TCF12: variants seen among roughly 807,000 people sequenced by gnomAD.
TCF12 encodes DNA-binding protein HTF4.
TCF12 carries 45 observed loss-of-function variants against 86.0 expected under a neutral mutation model. That is an observed-to-expected ratio of 0.52 (90% CI 0.41 to 0.67). The LOEUF is 0.67. TCF12 is among the 30% of genes least tolerant of loss of function. TCF12 has a pLI of 0.00. For missense variants in TCF12, 881 were observed against 859.9 expected (o/e 1.02, Z -0.31); for synonymous variants, 330 against 299.6 (o/e 1.10, Z -1.05).
intron 13 of TCF12, chr15:57,247,779 C>T: frequency 1.3e-6 from 1 of 746,546 alleles, no homozygotes; most frequent in Admixed American, 1.7e-5. Context: ...CACCTTGCTG[C>T]CTCCACCTCT....
intron 3 of TCF12, among the ~76,000 whole-genome samples, chr15:56,957,697 C>T (rs1022072642): frequency 2.0e-5 from 3 of 152,238 alleles, no homozygotes. Flanking sequence ...TTTTGTCCCT[C>T]TATATGGTTT....
At chr15:57,002,626 G>A (rs377151234) in intron 3 of TCF12, among the ~76,000 whole-genome samples, 1 of 152,256 alleles carries the variant, frequency 6.6e-6, no homozygotes, top group South Asian at 2.1e-4. Context: ...TTCCCACATA[G>A]ATATATCCCA....
intron 3 of TCF12, among the ~76,000 whole-genome samples, chr15:57,059,363 C>G (rs533875397): frequency 6.6e-6 from 1 of 152,286 alleles, no homozygotes; most frequent in South Asian, 2.1e-4. Flanking sequence ...AATTGCTTTT[C>G]TTACTGCTTT....
intron 3 of TCF12, among the ~76,000 whole-genome samples, chr15:57,061,900 A>ATTCTC (rs1471064913): frequency 6.6e-6 from 1 of 152,174 alleles, no homozygotes; most frequent in Non-Finnish European, 1.5e-5. Flanking sequence ...GTTGCAGAGA[A>ATTCTC]AATGCTTGGA....
chr15:56,965,436 T>C (rs573891458), intron 3 of TCF12, among the ~76,000 whole-genome samples: 37 of 152,296 alleles, frequency 2.4e-4, no homozygotes, highest in Non-Finnish European at 4.1e-4. Flanking sequence ...TTGGGAAGTT[T>C]TTGGTACTAC....
chr15:56,920,282 C>T (rs1199667514), intron 2 of TCF12, among the ~76,000 whole-genome samples: 1 of 152,000 alleles, frequency 6.6e-6, no homozygotes, highest in Non-Finnish European at 1.5e-5. Flanking sequence ...TTGGTTGAGT[C>T]ACCCTCCCAC....
At position 57,253,335 on chromosome 15, in the gene TCF12, C is replaced by T; in HGVS notation, c.1334C>T (p.Pro445Leu). ...GTGCTGCGGAACCATGCTGTGGGAC[C>T]TTCCACCAGTTTGCCTGCTGGTCAC... ...IHVLRNHAVG[P>L]STSLPAGHSD... Residue 445 changes from proline to leucine, a missense_variant, in exon 16 of 21, where the codon CCT becomes CTT. Pro to Leu is a moderately conservative substitution (Grantham distance 98). Coordinates refer to ENST00000333725, the MANE Select transcript of TCF12 (RefSeq NM_207037.2). 6.2e-7 allele frequency: 1 copy of T among 1,614,044 alleles called. No homozygotes were observed. The highest frequency in any genetic ancestry group is 8.5e-7 in the Non-Finnish European group (1 of 1,179,976).
intron 3 of TCF12, among the ~76,000 whole-genome samples, chr15:57,045,627 C>G (rs1297355465): frequency 2.0e-5 from 3 of 152,128 alleles, no homozygotes; most frequent in Non-Finnish European, 4.4e-5. Flanking sequence ...CTCACTGCAG[C>G]TTCTACCTCC....
intron 6 of TCF12, among the ~76,000 whole-genome samples, chr15:57,170,984 C>G (rs1391858702): frequency 6.7e-6 from 1 of 149,412 alleles, no homozygotes; most frequent in Non-Finnish European, 1.5e-5. Flanking sequence ...TTTTGATTCA[C>G]ATGGACTAGA....
chr15:56,939,055 C>T (rs2060611745), intron 3 of TCF12, among the ~76,000 whole-genome samples: 1 of 152,160 alleles, frequency 6.6e-6, no homozygotes, highest in Admixed American at 6.5e-5. Context: ...CTCACCTGAC[C>T]TCCTACTTCC....
At chr15:57,118,231 A>G (rs970494802) in intron 5 of TCF12, 5 of 152,212 alleles carry the variant, frequency 3.3e-5, no homozygotes, top group Non-Finnish European at 7.3e-5. Context: ...GTCAATAACA[A>G]CCTTTGTAAA....
At chr15:57,160,639 TTCATTGTTTGGCACC>T (rs2054437136) in intron 5 of TCF12, among the ~76,000 whole-genome samples, 1 of 152,176 alleles carries the variant, frequency 6.6e-6, no homozygotes, top group Non-Finnish European at 1.5e-5. Flanking sequence ...TATAAGCTTT[TTCATTGTTTGGCACC>T]TATTGAGGGT....
At chr15:57,279,028 T>A (rs1204608235) in intron 19 of TCF12, among the ~76,000 whole-genome samples, 1 of 151,320 alleles carries the variant, frequency 6.6e-6, no homozygotes, top group Non-Finnish European at 1.5e-5. Context: ...AGGGTTTTGC[T>A]CTGTTGCCTA....
chr15:56,967,383 A>G (rs1265279382), intron 3 of TCF12, among the ~76,000 whole-genome samples: 1 of 152,108 alleles, frequency 6.6e-6, no homozygotes, highest in Non-Finnish European at 1.5e-5. Context: ...ATACTTGTCA[A>G]GGACATTTTT....
At chr15:57,216,986 A>G (rs1439022740) in intron 8 of TCF12, among the ~76,000 whole-genome samples, 1 of 152,120 alleles carries the variant, frequency 6.6e-6, no homozygotes, top group African/African-American at 2.4e-5. Flanking sequence ...AGATACAGGC[A>G]TAGAGTTTTG....
chr15:57,247,399 C>T (rs2059914576), intron 13 of TCF12: 1 of 672,132 alleles, frequency 1.5e-6, no homozygotes, highest in South Asian at 1.5e-5. Context: ...GCCAGATCTA[C>T]CTCTGTGACC....
chr15:57,233,958 A>C, intron 11 of TCF12, 85 bp from the exon 12 acceptor site: 1 of 1,059,170 alleles, frequency 9.4e-7, no homozygotes, highest in Non-Finnish European at 1.5e-6. Flanking sequence ...ATGATGATAG[A>C]GAACACCCTT....
chr15:57,274,584 A>G (rs1250541516), intron 19 of TCF12, among the ~76,000 whole-genome samples: 1 of 152,074 alleles, frequency 6.6e-6, no homozygotes, highest in African/African-American at 2.4e-5. Flanking sequence ...CACTTTACCA[A>G]TGGTTTTTTT....
intron 5 of TCF12, 180 bp downstream of exon 5, chr15:57,092,071 G>T: frequency 2.1e-6 from 1 of 485,806 alleles, no homozygotes; most frequent in Non-Finnish European, 3.7e-6. Flanking sequence ...AAAATTTGGG[G>T]TCTACTCTTA....
Sources: allele counts gnomAD v4.1 joint callset (sites outside exome capture counted in the v4.1 genomes callset), GRCh38; gene constraint gnomAD v4.1.1; transcripts MANE v1.5; gene names NCBI Gene and HGNC (gene_info 2026-07-23, HGNC 2026-07-21).